Variants in DOP1A observed in about 807,000 individuals in gnomAD.
DOP1A encodes protein DOP1A.
DOP1A carries 90 observed loss-of-function variants against 267.6 expected under a neutral mutation model. The ratio of observed to expected loss-of-function variants is 0.34; its 90% CI spans 0.28 to 0.40. The LOEUF is 0.40. Among genes scored for constraint, DOP1A ranks in the 10% least tolerant of loss-of-function variants. The pLI, the probability that DOP1A is intolerant of heterozygous loss-of-function variation, is 1.00. For synonymous variants in DOP1A, 932 were observed against 999.1 expected (o/e 0.93, Z 1.27); for missense variants, 2,437 against 2,900.4 (o/e 0.84, Z 3.67).
chr6:83,158,644 T>C (rs1341385888), intron 36 of DOP1A, 22 bp downstream of exon 36: 1 of 1,555,028 alleles, frequency 6.4e-7, no homozygotes, highest in African/African-American at 1.4e-5. Flanking sequence ...TTTAAATATA[T>C]TGTTGTCCAT....
At chr6:83,119,172 T>C (rs974763576) in intron 8 of DOP1A, among the ~76,000 whole-genome samples, 185 bp downstream of exon 8, 1 of 152,210 alleles carries the variant, frequency 6.6e-6, no homozygotes, top group Non-Finnish European at 1.5e-5. Context: ...AGCTTTATAT[T>C]TGAAGAGTCT....
rs1785487836 is a variant in DOP1A, at chr6:83,166,173, C to T, written c.7093-1689C>T. The T allele has an allele frequency of 8.0e-6, 4 of 502,608 alleles. No individual in the cohort carries two copies. In the Admixed American group the frequency reaches 1.4e-4, roughly 18 times the overall value. The allele number at this position is 502,608 out of a possible 1,614,324, so 31.1% of individuals were successfully genotyped here. ...TTTATTTTTCACTCAGCTCATGAGGCACCCATTTATTGAGCTTTTTCACCT... is the reference window on the plus strand; with the variant it reads ...TTTATTTTTCACTCAGCTCATGAGGTACCCATTTATTGAGCTTTTTCACCT... On this transcript the variant is annotated intron_variant, in intron 38 of 38. Transcript: ENST00000349129.
At chr6:83,127,607 T>G (rs1777396845) in intron 15 of DOP1A, among the ~76,000 whole-genome samples, 1 of 152,094 alleles carries the variant, frequency 6.6e-6, no homozygotes, top group Admixed American at 6.5e-5. Flanking sequence ...CAGTATGAAA[T>G]GTAGAGGAGA....
At chr6:83,148,362 C>T (rs1339512067) in intron 26 of DOP1A, among the ~76,000 whole-genome samples, 2 of 151,712 alleles carry the variant, frequency 1.3e-5, no homozygotes, top group African/African-American at 4.8e-5. Flanking sequence ...TGCGGTGAGC[C>T]GAGATCGCGC....
chr6:83,108,023 C>T (rs1773927642), intron 4 of DOP1A, among the ~76,000 whole-genome samples: 1 of 152,122 alleles, frequency 6.6e-6, no homozygotes, highest in African/African-American at 2.4e-5. Context: ...CAATAATGAA[C>T]CAATACATGT....
In DOP1A at chr6:83,140,408, G is replaced by C. The variant is rs1379018928; in HGVS notation, c.5415+5G>C. On this transcript the variant is annotated splice_donor_5th_base_variant and intron_variant, in intron 23 of 38. Coordinates refer to ENST00000349129, the MANE Select transcript of DOP1A (RefSeq NM_015018.4). ...ATTAATCTTGGAGCTACAAAGGTTA[G>C]ACAATTCATATTTAATCTGTAGAGC... is the stretch of plus-strand genomic sequence containing the variant. The C allele has an allele frequency of 5.0e-6, 8 of 1,594,644 alleles. No individual in the cohort carries two copies. The highest frequency in any genetic ancestry group is 6.8e-6 in the Non-Finnish European group (8 of 1,173,176).
chr6:83,102,072 C>A (rs996212658), intron 4 of DOP1A, among the ~76,000 whole-genome samples: 1 of 152,182 alleles, frequency 6.6e-6, no homozygotes, highest in African/African-American at 2.4e-5. Context: ...CAGCTTTAAA[C>A]TCCTGCTTGC....
chr6:83,087,855 TTTTGTTTG>T (rs144595171), intron 1 of DOP1A, among the ~76,000 whole-genome samples: 7 of 151,962 alleles, frequency 4.6e-5, no homozygotes. Context: ...ATGTTTGTTT[TTTTGTTTG>T]TTTGTTTGTT....
chr6:83,083,938 C>T (rs183398322), intron 1 of DOP1A, among the ~76,000 whole-genome samples: 1 of 152,226 alleles, frequency 6.6e-6, no homozygotes, highest in Admixed American at 6.5e-5. Context: ...GAGAAAGAAT[C>T]TGATTTTATA....
At chr6:83,147,172 G>C (rs1780765364) in intron 25 of DOP1A, 64 bp from the exon 26 acceptor site, 1 of 779,710 alleles carries the variant, frequency 1.3e-6, no homozygotes, top group Non-Finnish European at 2.0e-6. Flanking sequence ...CAGAGTAGTT[G>C]CAACAATGAA....
In DOP1A at chr6:83,159,936, C is replaced by G. The variant is rs762076628; in HGVS notation, c.6938C>G (p.Ser2313Cys). 3 of 1,614,100 alleles carry G rather than the reference C, an allele frequency of 1.9e-6. No homozygotes were observed. The South Asian group carries it at 3.3e-5, about 18-fold the overall frequency. Residue 2313 changes from serine to cysteine, a missense_variant, in exon 37 of 39, where the codon TCT (serine) becomes TGT (cysteine). Physicochemically the swap from Ser to Cys is moderately radical, Grantham distance 112 (BLOSUM62 -1). Transcript: ENST00000349129. ...TTGGATTTGGCTCTCGCATTGCCCT[C>G]TGAAAACCTTCCTCAGTTTCAGATG... Reference protein sequence around the residue: ...KFLDLALALPSENLPQFQMYR... With the variant: ...KFLDLALALPCENLPQFQMYR...
chr6:83,164,416 C>G (rs1784943814), intron 38 of DOP1A, among the ~76,000 whole-genome samples: 2 of 151,786 alleles, frequency 1.3e-5, no homozygotes, highest in South Asian at 4.2e-4. Context: ...AAATATGACC[C>G]CAGGCACATG....
intron 1 of DOP1A, among the ~76,000 whole-genome samples, chr6:83,072,600 A>G (rs1240824985): frequency 6.6e-6 from 1 of 152,214 alleles, no homozygotes; most frequent in Non-Finnish European, 1.5e-5. Context: ...ATATAGGTAA[A>G]TTGTCATCAT....
At chr6:83,147,542 G>C (rs894940086) in intron 26 of DOP1A, among the ~76,000 whole-genome samples, 2 of 152,020 alleles carry the variant, frequency 1.3e-5, no homozygotes, top group African/African-American at 4.8e-5. Flanking sequence ...CCATTATTTT[G>C]GTATAGGTGA....
Position 83,162,905 on chromosome 6 carries a change from C to A in DOP1A, c.7078C>A (p.Arg2360=), listed in dbSNP as rs780546816. 1 of 1,612,172 alleles carries A rather than the reference C, an allele frequency of 6.2e-7. No homozygotes were observed. The highest frequency in any genetic ancestry group is 8.5e-7 in the Non-Finnish European group (1 of 1,178,856). Residue 2360 remains arginine, a synonymous_variant, in exon 38 of 39, where the codon CGG becomes AGG. Transcript: ENST00000349129. ...CGTGGTACGACTAGCAAAACTTCTT[C>A]GGAAAAGAGCAAAGGTATCGCATTC... ...PYVVRLAKLL[R]KRAKKNPEED...
At chr6:83,069,261 G>A (rs998383586) in intron 1 of DOP1A, among the ~76,000 whole-genome samples, 2 of 152,064 alleles carry the variant, frequency 1.3e-5, no homozygotes, top group African/African-American at 4.8e-5. Flanking sequence ...CATTTAATAG[G>A]CTTACTTTCC....
chr6:83,141,426 G>A (rs779553801), intron 23 of DOP1A, among the ~76,000 whole-genome samples: 3 of 151,974 alleles, frequency 2.0e-5, no homozygotes, highest in Non-Finnish European at 4.4e-5. Context: ...ACCTAATTTT[G>A]CTCCTAGACC....
chr6:83,153,777 GCTTT>G (rs1029500993), intron 31 of DOP1A, 113 bp from the exon 32 acceptor site: 10 of 1,225,052 alleles, frequency 8.2e-6, no homozygotes, highest in South Asian at 1.7e-5. Flanking sequence ...TTCTTATGGT[GCTTT>G]CTATTTCATA....
chr6:83,161,782 T>C (rs1367201447), intron 37 of DOP1A, among the ~76,000 whole-genome samples: 1 of 152,184 alleles, frequency 6.6e-6, no homozygotes, highest in African/African-American at 2.4e-5. Context: ...TACCAAAATT[T>C]AAAATATATA....
Sources: allele counts gnomAD v4.1 joint callset (sites outside exome capture counted in the v4.1 genomes callset), GRCh38; gene constraint gnomAD v4.1.1; transcripts MANE v1.5; gene names NCBI Gene and HGNC (gene_info 2026-07-23, HGNC 2026-07-21).